Variants in SLC29A4 observed in about 807,000 individuals in gnomAD.
SLC29A4 encodes the protein equilibrative nucleoside transporter 4.
In SLC29A4, 36 loss-of-function variants were observed where a neutral mutation model predicts 43.9. The ratio of observed to expected loss-of-function variants is 0.82; its 90% CI spans 0.63 to 1.08. SLC29A4 has a LOEUF of 1.08. Ranked by LOEUF, SLC29A4 falls within the 50% of genes least tolerant of loss-of-function variation. The pLI is 0.00. For missense variants in SLC29A4, 869 were observed against 755.3 expected (o/e 1.15, Z -1.77); for synonymous variants, 491 against 338.0 (o/e 1.45, Z -4.97).
At position 5,297,163 on chromosome 7, in the gene SLC29A4, G is replaced by A. The variant is rs549983884; in HGVS notation, c.847G>A (p.Val283Met). Reference protein sequence around the residue: ...PGLGRGYGYRVHHDVVAGDVH... With the variant: ...PGLGRGYGYRMHHDVVAGDVH... Reference sequence around the variant, plus strand: ...CCTGGGCAGGGGCTATGGCTACCGCGTGCACCACGACGTTGTCGCCGGGGA... The same window carrying A: ...CCTGGGCAGGGGCTATGGCTACCGCATGCACCACGACGTTGTCGCCGGGGA... The change falls in exon 7 of 11, where the codon GTG (valine) becomes ATG (methionine). Residue 283 changes from valine to methionine, a missense_variant. By Grantham distance (21) the Val-to-Met change is conservative. Transcript: ENST00000396872. 7 of 1,597,894 alleles carry A rather than the reference G, an allele frequency of 4.4e-6. No individual in the cohort carries two copies. In the African/African-American group the frequency reaches 5.4e-5, roughly 12 times the overall value.
At chr7:5,291,261 C>T in intron 4 of SLC29A4, 24 bp downstream of exon 4, 2 of 1,597,870 alleles carry the variant, frequency 1.3e-6, no homozygotes, top group Non-Finnish European at 1.7e-6. Context: ...CGCCACGGGA[C>T]ACCTGCCTGT....
intron 1 of SLC29A4, among the ~76,000 whole-genome samples, chr7:5,286,233 A>G (rs1478808769): frequency 6.6e-6 from 1 of 152,116 alleles, no homozygotes; most frequent in East Asian, 1.9e-4. Flanking sequence ...GTTATTAGAA[A>G]AAAATCATAG....
intron 10 of SLC29A4, among the ~76,000 whole-genome samples, chr7:5,301,183 G>A (rs921233907): frequency 1.3e-5 from 2 of 151,558 alleles, no homozygotes; most frequent in Admixed American, 6.6e-5. Flanking sequence ...AGGATCACTT[G>A]AGCCCAGGAG....
chr7:5,294,676 C>G (rs931426731), intron 5 of SLC29A4, among the ~76,000 whole-genome samples, 184 bp from the exon 6 acceptor site: 1 of 152,114 alleles, frequency 6.6e-6, no homozygotes, highest in Admixed American at 6.5e-5. Context: ...TGTCAATGAC[C>G]CTGGCTGACC....
intron 4 of SLC29A4, 82 bp from the exon 5 acceptor site, chr7:5,291,611 C>G: frequency 6.7e-7 from 1 of 1,494,232 alleles, no homozygotes; most frequent in Non-Finnish European, 9.1e-7. Flanking sequence ...AGCCTCAGAG[C>G]GACTCTGCAG....
rs1159871591 is a variant in SLC29A4, at chr7:5,305,379, C to G, written c.*2440C>G. 3 of 152,248 alleles carry G rather than the reference C, an allele frequency of 2.0e-5. No homozygotes were observed. The highest frequency in any genetic ancestry group is 6.5e-5 in the Admixed American group (1 of 15,278). 9.4% of individuals were successfully genotyped at this position (152,248 alleles called of 1,614,324 possible). A position where few individuals can be genotyped will look rare whatever the true frequency, so the allele number is the denominator to read the frequency against. On this transcript the variant is annotated 3_prime_UTR_variant, in exon 11 of 11. Transcript: ENST00000396872. ...GCCCCGAATGTCCTCTGCAGGCCAC[C>G]CACACTAACCAGGTCAGTCACTGGG...
chr7:5,298,767 T>C (rs1785899208), intron 7 of SLC29A4, among the ~76,000 whole-genome samples: 1 of 152,100 alleles, frequency 6.6e-6, no homozygotes. Context: ...ACCACTGCAC[T>C]CCAGCCTCGG....
intron 1 of SLC29A4, among the ~76,000 whole-genome samples, chr7:5,286,895 G>A (rs769435519): frequency 4.6e-5 from 7 of 152,228 alleles, no homozygotes; most frequent in Non-Finnish European, 4.4e-5. Flanking sequence ...ACACTGCAGC[G>A]CGGTGCAGGC....
At chr7:5,293,938 C>G (rs142419592) in intron 5 of SLC29A4, among the ~76,000 whole-genome samples, 13,598 of 152,060 alleles carry the variant, frequency 0.089, 687 homozygotes, top group African/African-American at 0.14. Context: ...AACCCCGTCT[C>G]TACTAAAAAT....
At chr7:5,298,415 A>T (rs1373639457) in intron 7 of SLC29A4, among the ~76,000 whole-genome samples, 1 of 152,104 alleles carries the variant, frequency 6.6e-6, no homozygotes, top group East Asian at 1.9e-4. Context: ...GAGAGGTCAT[A>T]GGGGACCAGA....
intron 5 of SLC29A4, 111 bp from the exon 6 acceptor site, chr7:5,294,749 T>G: frequency 9.6e-7 from 1 of 1,040,966 alleles, no homozygotes; most frequent in South Asian, 1.3e-5. Flanking sequence ...ATTAGTGGTG[T>G]TAACGGCTGT....
At position 5,296,223 on chromosome 7, in the gene SLC29A4, C is replaced by T. The variant is rs568769553; in HGVS notation, c.620-713C>T. Among the ~76,000 whole-genome samples the T allele has an allele frequency of 4.6e-5, 7 of 152,166 alleles. No homozygotes were observed. The East Asian group carries it at 9.8e-4, about 21-fold the overall frequency. ...TCTAACTGCCCCCCACCTCTGCGCGCCCTCTGTTCCATTCCTTTCTGCCCC... is the reference window on the plus strand; with the variant it reads ...TCTAACTGCCCCCCACCTCTGCGCGTCCTCTGTTCCATTCCTTTCTGCCCC... On this transcript the variant is annotated intron_variant, in intron 6 of 10. Coordinates refer to ENST00000396872, the MANE Select transcript of SLC29A4 (RefSeq NM_153247.4).
chr7:5,284,540 C>T (rs1347276430), intron 1 of SLC29A4, among the ~76,000 whole-genome samples: 2 of 151,794 alleles, frequency 1.3e-5, no homozygotes, highest in African/African-American at 4.8e-5. Flanking sequence ...GGGCCAAGCC[C>T]TGTAAACACT....
intron 2 of SLC29A4, among the ~76,000 whole-genome samples, chr7:5,289,830 C>G (rs1449709606): frequency 6.6e-6 from 1 of 152,252 alleles, no homozygotes; most frequent in South Asian, 2.1e-4. Flanking sequence ...CATGCTGACC[C>G]CTTCCCCAGA....
rs1356949615 is a variant in SLC29A4, at chr7:5,304,394, T to C, written c.*1455T>C. 3 of 140,060 alleles carry C rather than the reference T, an allele frequency of 2.1e-5. No individual in the cohort carries two copies. The highest frequency in any genetic ancestry group is 8.1e-5 in the African/African-American group (3 of 37,094). The allele number at this position is 140,060 out of a possible 1,614,324, so 8.7% of individuals were successfully genotyped here. The stretch of plus-strand genomic sequence containing the variant: ...GTGGGCGGGGCTTGGCCCCTGCCCC[T>C]CAGGGACTGCACTGCATCCTAGGAG... On this transcript the variant is annotated 3_prime_UTR_variant, in exon 11 of 11. Coordinates refer to ENST00000396872, the MANE Select transcript of SLC29A4 (RefSeq NM_153247.4).
chr7:5,284,662 G>A (rs1481283152), intron 1 of SLC29A4, among the ~76,000 whole-genome samples: 2 of 152,140 alleles, frequency 1.3e-5, no homozygotes, highest in Admixed American at 6.5e-5. Context: ...GGGGGGCCGG[G>A]AAGGACAGAG....
intron 6 of SLC29A4, 89 bp downstream of exon 6, chr7:5,295,023 C>T (rs923564383): frequency 7.9e-5 from 93 of 1,178,292 alleles, no homozygotes; most frequent in Middle Eastern, 4.3e-4. Flanking sequence ...TGATGCTCCC[C>T]GGTCTGGGAG....
chr7:5,301,035 G>A (rs958405429), intron 10 of SLC29A4, among the ~76,000 whole-genome samples: 1 of 152,158 alleles, frequency 6.6e-6, no homozygotes, highest in African/African-American at 2.4e-5. Context: ...AAAGCGGGTG[G>A]ATCACTTGAG....
rs374179723 is a variant in SLC29A4, at chr7:5,290,770, A to C, written c.208A>C (p.Ile70Leu). The C allele has an allele frequency of 6.2e-7, 1 of 1,613,882 alleles. No individual in the cohort carries two copies. Among genetic ancestry groups the C allele is most frequent in the Non-Finnish European group, 8.5e-7 (1 of 1,179,880 alleles). The change falls in exon 3 of 11, where the codon ATC becomes CTC. Residue 70 changes from isoleucine (I) to leucine (L), a missense_variant. By Grantham distance (5) the Ile-to-Leu change is conservative (BLOSUM62 2). Coordinates refer to ENST00000396872, the MANE Select transcript of SLC29A4 (RefSeq NM_153247.4). ...AGTGCCCGATGACCGTTATCACGCC[A>C]TCTACTTTGCGATGCTGCTGGCTGG... ...EPVPDDRYHA[I>L]YFAMLLAGVG...
Sources: allele counts gnomAD v4.1 joint callset (sites outside exome capture counted in the v4.1 genomes callset), GRCh38; gene constraint gnomAD v4.1.1; transcripts MANE v1.5; gene names NCBI Gene and HGNC (gene_info 2026-07-23, HGNC 2026-07-21).